The following PTPN12 variants were observed in gnomAD, a reference collection of about 807,000 sequenced individuals.
The protein encoded by PTPN12 is tyrosine-protein phosphatase non-receptor type 12.
PTPN12 carries 29 observed loss-of-function variants against 97.6 expected under a neutral mutation model. The observed-to-expected ratio is 0.30, with a 90% CI of 0.22 to 0.41. The LOEUF is 0.41. Ranked by LOEUF, PTPN12 falls within the 10% of genes least tolerant of loss-of-function variation. The probability of loss-of-function intolerance (pLI) is 1.00; values close to 1 mark genes in which losing one functional copy is unlikely to be tolerated. For synonymous variants in PTPN12, 327 were observed against 300.4 expected (o/e 1.09, Z -0.91); for missense variants, 819 against 926.0 (o/e 0.88, Z 1.50).
At position 77,537,740 on chromosome 7, in the gene PTPN12, T is replaced by G. The variant is rs1806725554; in HGVS notation, c.99+95T>G. The G allele has an allele frequency of 5.5e-5, 72 of 1,316,738 alleles. 2 individuals are homozygous for G. The South Asian group carries it at 1.1e-3, about 20-fold the overall frequency. 81.6% of individuals were successfully genotyped at this position (1,316,738 alleles called of 1,614,324 possible). On this transcript the variant is annotated intron_variant, in intron 1 of 17. Coordinates refer to ENST00000248594, the MANE Select transcript of PTPN12 (RefSeq NM_002835.4). ...GCCGCCAGTGCTTTGTGTACCTCTG[T>G]GAGGAGAGGGGCGGAGGGGGCGCGC...
At chr7:77,582,715 T>A (rs907521465) in intron 3 of PTPN12, among the ~76,000 whole-genome samples, 6 of 145,654 alleles carry the variant, frequency 4.1e-5, no homozygotes, top group African/African-American at 1.0e-4. Context: ...ACCCAGGAGG[T>A]GGAAGTTGCA....
At chr7:77,586,163 A>G (rs1787683493) in intron 5 of PTPN12, among the ~76,000 whole-genome samples, 1 of 152,188 alleles carries the variant, frequency 6.6e-6, no homozygotes, top group South Asian at 2.1e-4. Flanking sequence ...CATGTTGGCC[A>G]GGCTGGTTTC....
chr7:77,567,591 C>G (rs1479476940), intron 1 of PTPN12, among the ~76,000 whole-genome samples: 1 of 152,190 alleles, frequency 6.6e-6, no homozygotes, highest in East Asian at 1.9e-4. Context: ...ATTACCACCT[C>G]AGACCTACTG....
chr7:77,537,865 G>T (rs1806734875), intron 1 of PTPN12, among the ~76,000 whole-genome samples: 1 of 151,950 alleles, frequency 6.6e-6, no homozygotes, highest in South Asian at 2.1e-4. Context: ...CCCCCGCGCG[G>T]GTTCCCGGGA....
rs112311892 is a variant in PTPN12 at position 77,556,969 on chromosome 7, T to A, written c.100-14109T>A. On this transcript the variant is annotated intron_variant, in intron 1 of 17. Coordinates refer to ENST00000248594, the MANE Select transcript of PTPN12 (RefSeq NM_002835.4). ...CCAGGAGTTTTTGTTTGTTTGTTTGTTTTTGTTTGTTTTTTTTTTAGAGCG... is the reference window on the plus strand; with the variant it reads ...CCAGGAGTTTTTGTTTGTTTGTTTGATTTTGTTTGTTTTTTTTTTAGAGCG... Among the ~76,000 whole-genome samples, 20 of 141,916 alleles carry A rather than the reference T, an allele frequency of 1.4e-4. No homozygotes were observed. The South Asian group carries it at 2.8e-3, about 20-fold the overall frequency. The allele number at this position is 141,916 out of a possible 152,430, so 93.1% of individuals were successfully genotyped here.
intron 6 of PTPN12, among the ~76,000 whole-genome samples, chr7:77,597,199 C>T (rs1227193647): frequency 6.6e-6 from 1 of 152,186 alleles, no homozygotes; most frequent in Non-Finnish European, 1.5e-5. Context: ...TCTCAGCTCA[C>T]TATAACCTCT....
At chr7:77,634,297 A>G (rs1789508566) in intron 14 of PTPN12, among the ~76,000 whole-genome samples, 1 of 152,202 alleles carries the variant, frequency 6.6e-6, no homozygotes, top group African/African-American at 2.4e-5. Context: ...CCTCTAAAAA[A>G]GAGTGCAGAA....
chr7:77,636,771 G>C, intron 15 of PTPN12: 1 of 327,178 alleles, frequency 3.1e-6, no homozygotes, highest in South Asian at 7.2e-5. Context: ...GCAAAACACA[G>C]CTGTATGTTC....
intron 2 of PTPN12, among the ~76,000 whole-genome samples, chr7:77,581,058 G>A (rs1197220008): frequency 2.2e-5 from 3 of 134,270 alleles, no homozygotes; most frequent in Non-Finnish European, 1.6e-5. Flanking sequence ...GTTTTGTTTT[G>A]TTTTGTTTTT....
chr7:77,540,204 C>T (rs1806888398), intron 1 of PTPN12, among the ~76,000 whole-genome samples: 1 of 151,612 alleles, frequency 6.6e-6, no homozygotes, highest in Admixed American at 6.6e-5. Flanking sequence ...GTCAGGGATT[C>T]CTATTGGAGA....
At chr7:77,637,900 T>A (rs1226712156) in intron 16 of PTPN12, among the ~76,000 whole-genome samples, 1 of 141,796 alleles carries the variant, frequency 7.1e-6, no homozygotes, top group Non-Finnish European at 1.5e-5. Context: ...TATTTCAAGG[T>A]GCAAATAGTG....
chr7:77,597,472 C>G (rs1788058046), intron 6 of PTPN12, among the ~76,000 whole-genome samples: 1 of 152,164 alleles, frequency 6.6e-6, no homozygotes. Context: ...TTCAGATTGG[C>G]TTATTTCACT....
chr7:77,540,239 C>CTT (rs71688645), intron 1 of PTPN12, among the ~76,000 whole-genome samples: 111 of 143,868 alleles, frequency 7.7e-4, no homozygotes, highest in Admixed American at 1.3e-3. Context: ...TTCTTTCTTT[C>CTT]TTTCTTTTTT....
At chr7:77,630,650 G>A (rs937784194) in intron 13 of PTPN12, among the ~76,000 whole-genome samples, 4 of 152,134 alleles carry the variant, frequency 2.6e-5, no homozygotes, top group Admixed American at 1.3e-4. Flanking sequence ...ATTATGTAGT[G>A]CATGACTATA....
intron 1 of PTPN12, among the ~76,000 whole-genome samples, chr7:77,550,410 T>G (rs888699515): frequency 6.6e-6 from 1 of 152,150 alleles, no homozygotes; most frequent in Non-Finnish European, 1.5e-5. Context: ...AAAATTAAAA[T>G]ATAAAGTTAA....
chr7:77,631,476 G>A (rs117274536), intron 13 of PTPN12, among the ~76,000 whole-genome samples: 3 of 152,200 alleles, frequency 2.0e-5, no homozygotes, highest in East Asian at 3.9e-4. Flanking sequence ...CAGGACCGTC[G>A]CATTTCTTTT....
intron 5 of PTPN12, among the ~76,000 whole-genome samples, chr7:77,590,314 TAACTA>T (rs1453586450): frequency 2.0e-5 from 3 of 152,252 alleles, no homozygotes; most frequent in Admixed American, 1.3e-4. Flanking sequence ...TTTCTATTCT[TAACTA>T]AATTAATCTC....
At position 77,592,256 on chromosome 7, in the gene PTPN12, T is replaced by C; in HGVS notation, c.492T>C (p.Cys164=). The change falls in exon 6 of 18, where the codon TGT becomes TGC. Residue 164 remains cysteine, a splice_region_variant and synonymous_variant. Coordinates refer to ENST00000248594, the MANE Select transcript of PTPN12 (RefSeq NM_002835.4). ...CGTTTGCACCATTTAAAATTTCTTG[T>C]GTAAGTATCCATTTTTGTAAACACT... ...PITFAPFKIS[C]EDEQARTDYF... is the part of the protein sequence containing the mutation. The C allele has an allele frequency of 6.2e-7, 1 of 1,606,382 alleles. No individual in the cohort carries two copies. The highest frequency in any genetic ancestry group is 8.5e-7 in the Non-Finnish European group (1 of 1,176,846).
At position 77,639,481 on chromosome 7, in the gene PTPN12, G is replaced by C. The variant is rs1206656530; in HGVS notation, c.*201G>C. The C allele has an allele frequency of 1.9e-6, 1 of 533,224 alleles. No individual in the cohort carries two copies. The highest frequency in any genetic ancestry group is 3.6e-5 in the Admixed American group (1 of 27,822). The allele number at this position is 533,224 out of a possible 1,614,324, so 33.0% of individuals were successfully genotyped here. On this transcript the variant is annotated 3_prime_UTR_variant, in exon 18 of 18. Coordinates refer to ENST00000248594, the MANE Select transcript of PTPN12 (RefSeq NM_002835.4). ...CATATGGTTTATTTTGAAACTTCAA[G>C]TATTATTGCCTTAATGTCTCTTAAC...
Sources: gnomAD v4.1 joint callset for allele counts (sites outside exome capture counted in the v4.1 genomes callset) on GRCh38, gnomAD v4.1.1 for gene constraint, MANE v1.5 for transcripts, NCBI Gene and HGNC (gene_info 2026-07-23, HGNC 2026-07-21) for gene names.